Variants in PKHD1 observed in about 807,000 individuals in gnomAD.
The protein encoded by PKHD1 is fibrocystin.
In PKHD1, 291 loss-of-function variants were observed where a neutral mutation model predicts 412.0. The observed-to-expected ratio is 0.71, with a 90% CI of 0.64 to 0.78. The LOEUF is 0.78. Ranked by LOEUF, PKHD1 falls within the 30% of genes least tolerant of loss-of-function variation. PKHD1 has a pLI of 0.00. For missense variants in PKHD1, 4,825 were observed against 4,950.7 expected, an observed-to-expected ratio of 0.97 and a Z score of 0.76; for synonymous variants, 1,777 against 1,821.5, an observed-to-expected ratio of 0.98 and a Z score of 0.62.
At chr6:51,900,370 A>G (rs1781034046) in intron 43 of PKHD1, among the ~76,000 whole-genome samples, 1 of 152,200 alleles carries the variant, frequency 6.6e-6, no homozygotes, top group African/African-American at 2.4e-5. Flanking sequence ...AACGCTGCAT[A>G]TCTACAACTA....
chr6:51,777,499 T>C (rs571989830), intron 53 of PKHD1, among the ~76,000 whole-genome samples: 1 of 152,120 alleles, frequency 6.6e-6, no homozygotes, highest in African/African-American at 2.4e-5. Flanking sequence ...GAGAGCCTGA[T>C]GCATCATCTT....
chr6:52,037,204 T>C (rs1804094157), intron 27 of PKHD1, among the ~76,000 whole-genome samples: 1 of 152,096 alleles, frequency 6.6e-6, no homozygotes, highest in Non-Finnish European at 1.5e-5. Context: ...AATTTCTACC[T>C]TATATGCTTC....
At chr6:51,641,442 G>A (rs1211067248) in intron 63 of PKHD1, among the ~76,000 whole-genome samples, 1 of 152,206 alleles carries the variant, frequency 6.6e-6, no homozygotes, top group Non-Finnish European at 1.5e-5. Context: ...TACACTGTTG[G>A]TGGGAGTGTA....
At chr6:52,006,966 T>C (rs1799164020) in intron 35 of PKHD1, among the ~76,000 whole-genome samples, 1 of 152,236 alleles carries the variant, frequency 6.6e-6, no homozygotes, top group Non-Finnish European at 1.5e-5. Flanking sequence ...CCTGAGTTAC[T>C]TCACTTAGAA....
rs754102295 is a variant in PKHD1 at position 52,025,258 on chromosome 6, C to A, written c.4552G>T (p.Val1518Leu). The change falls in exon 32 of 67, where the codon GTA becomes TTA. Residue 1518 changes from valine (V) to leucine (L), a missense_variant. Transcript: ENST00000371117. Reference sequence around the variant, plus strand: ...CAAGGAAGTTGATCATCCACAAATACCATCGGCTCATCAGCTGTGGTGGCT... The same window carrying A: ...CAAGGAAGTTGATCATCCACAAATAACATCGGCTCATCAGCTGTGGTGGCT... Reference protein sequence around the residue: ...RLATTADEPMVFVDDQLPCNV... With the variant: ...RLATTADEPMLFVDDQLPCNV... 6.2e-7 allele frequency: 1 copy of A among 1,614,122 alleles called. No individual in the cohort carries two copies. Among genetic ancestry groups the A allele is most frequent in the Admixed American group, 1.7e-5 (1 of 60,024 alleles).
chr6:52,083,142 C>T (rs774666083), intron 3 of PKHD1, 36 bp downstream of exon 3: 10 of 1,321,934 alleles, frequency 7.6e-6, no homozygotes, highest in Non-Finnish European at 9.8e-6. Context: ...TGGGTCAATA[C>T]ATAAGAAATG....
rs186664105 is a variant in PKHD1, at chr6:52,044,974, G to T, written c.2707C>A (p.His903Asn). 6.2e-7 allele frequency: 1 copy of T among 1,613,548 alleles called. No individual in the cohort carries two copies. Among genetic ancestry groups the T allele is most frequent in the African/African-American group, 1.3e-5 (1 of 75,022 alleles). Reference sequence around the variant, plus strand: ...GGCCCATTCACTCTCACCTGAGTATGCTGGTTGGCAGTAGCCAACATGTCT... The same window carrying T: ...GGCCCATTCACTCTCACCTGAGTATTCTGGTTGGCAGTAGCCAACATGTCT... Reference protein sequence around the residue: ...FGDMLATANQHTQVVVRVNDV... With the variant: ...FGDMLATANQNTQVVVRVNDV... The change falls in exon 25 of 67, where the codon CAT (histidine) becomes AAT (asparagine). Residue 903 changes from histidine to asparagine, a missense_variant. Coordinates refer to ENST00000371117, the MANE Select transcript of PKHD1 (RefSeq NM_138694.4).
chr6:52,062,451 G>C, intron 14 of PKHD1, 68 bp downstream of exon 14: 1 of 1,484,918 alleles, frequency 6.7e-7, no homozygotes, highest in Non-Finnish European at 9.4e-7. Flanking sequence ...TTCCTTATCT[G>C]TCTCCTAGCC....
chr6:51,744,638 A>G (rs549611846), intron 59 of PKHD1, 96 bp from the exon 60 acceptor site: 2 of 939,398 alleles, frequency 2.1e-6, no homozygotes, highest in South Asian at 1.3e-5. Flanking sequence ...AAATAAATTC[A>G]ACAGATTTTT....
intron 21 of PKHD1, 133 bp downstream of exon 21, chr6:52,052,943 T>C (rs1807096151): frequency 5.2e-6 from 4 of 768,600 alleles, no homozygotes; most frequent in Non-Finnish European, 9.1e-6. Flanking sequence ...GCCCCATCTG[T>C]TTTCTAGAGC....
rs79433504 is a variant in PKHD1, at chr6:52,016,280, C to T, written c.5600+1130G>A. Among the ~76,000 whole-genome samples the T allele has an allele frequency of 2.6e-5, 4 of 152,240 alleles. No homozygotes were observed. The East Asian group carries it at 7.7e-4, about 29-fold the overall frequency. ...TCTCAGGACATCACAAAGTCAGATG[C>T]CATGAAAAGAGCTGGTTATCTCTTT... On this transcript the variant is annotated intron_variant, in intron 34 of 66. Transcript: ENST00000371117.
chr6:51,911,191 C>T (rs1047140006), intron 39 of PKHD1, among the ~76,000 whole-genome samples: 2 of 152,164 alleles, frequency 1.3e-5, no homozygotes, highest in Non-Finnish European at 2.9e-5. Context: ...GTCTTCACAA[C>T]ATGTGAAAGC....
intron 51 of PKHD1, among the ~76,000 whole-genome samples, chr6:51,833,724 G>A (rs1768678586): frequency 6.6e-6 from 1 of 152,132 alleles, no homozygotes; most frequent in Non-Finnish European, 1.5e-5. Context: ...TCCCAGTTGA[G>A]TGGTTGAGAC....
chr6:52,024,798 G>T lies in PKHD1; in HGVS notation c.5012C>A (p.Thr1671Asn), dbSNP rs1313759171. The T allele has an allele frequency of 6.2e-7, 1 of 1,614,066 alleles. No homozygotes were observed. Among genetic ancestry groups the T allele is most frequent in the Non-Finnish European group, 8.5e-7 (1 of 1,180,030 alleles). ...TCCTGAGATCTGGGCCACTGCAAAGGTTAAGATGTCATCGCTCTGAGAAAT... is the reference window on the plus strand; with the variant it reads ...TCCTGAGATCTGGGCCACTGCAAAGTTTAAGATGTCATCGCTCTGAGAAAT... The part of the protein sequence containing the change: ...ISISQSDDIL[T>N]FAVAQISGAA... Residue 1671 changes from threonine to asparagine, a missense_variant, in exon 32 of 67, where the codon ACC (threonine) becomes AAC (asparagine). By Grantham distance (65) the Thr-to-Asn change is moderately conservative. Coordinates refer to ENST00000371117, the MANE Select transcript of PKHD1 (RefSeq NM_138694.4).
At position 52,065,968 on chromosome 6, in the gene PKHD1, A is replaced by G. The variant is rs1809628521; in HGVS notation, c.880+8T>C. On this transcript the variant is annotated splice_region_variant and intron_variant, in intron 12 of 66. Coordinates refer to ENST00000371117, the MANE Select transcript of PKHD1 (RefSeq NM_138694.4). ...ATGAACTATTTTCAGCCATTTCATC[A>G]TAGTTACCTGCAATGGTAACCTGGG... 5 of 1,318,274 alleles carry G rather than the reference A, an allele frequency of 3.8e-6. No homozygotes were observed. The highest frequency in any genetic ancestry group is 2.3e-5 in the South Asian group (2 of 85,130). The allele number at this position is 1,318,274 out of a possible 1,614,324, so 81.7% of individuals were successfully genotyped here.
rs146134912 is a variant in PKHD1 at position 51,918,959 on chromosome 6, C to T, written c.6122-6383G>A. On this transcript the variant is annotated intron_variant, in intron 37 of 66. Transcript: ENST00000371117. ...TTGAGAAGTGTCTATTCATATCCTT[C>T]GCCCACTTTTTGATGGGGTTGTTTT... Among the ~76,000 whole-genome samples, 133 of 152,260 alleles carry T rather than the reference C, an allele frequency of 8.7e-4. 2 individuals carry two copies. In the East Asian group the frequency reaches 0.019, roughly 21 times the overall value.
At position 51,904,183 on chromosome 6, in the gene PKHD1, A is replaced by C. The variant is rs946443691; in HGVS notation, c.6809-141T>G. ...ATCTGTAAATCAGGGAAAGAGATAC[A>C]GATCTTATGTACTCTTCAGTTCTAG... On this transcript the variant is annotated intron_variant, in intron 41 of 66. Transcript: ENST00000371117. 1.1e-4 allele frequency: 72 copies of C among 680,768 alleles called. No homozygotes were observed. In the Middle Eastern group the frequency reaches 1.5e-3, roughly 14 times the overall value. The allele number at this position is 680,768 out of a possible 1,614,324, so 42.2% of individuals were successfully genotyped here. A position where few individuals can be genotyped will look rare whatever the true frequency, so the allele number is the denominator to read the frequency against.
Position 52,043,674 on chromosome 6 carries a change from C to T in PKHD1, c.2772G>A (p.Gln924=), listed in dbSNP as rs1424551922. 1 of 1,613,518 alleles carries T rather than the reference C, an allele frequency of 6.2e-7. No individual in the cohort carries two copies. The highest frequency in any genetic ancestry group is 8.5e-7 in the Non-Finnish European group (1 of 1,179,568). The change falls in exon 26 of 67, where the codon CAG becomes CAA. Residue 924 remains glutamine, a synonymous_variant. Transcript: ENST00000371117. The stretch of plus-strand genomic sequence containing the variant: ...CACAGGGAGTTGACCCTTGGAGGTA[C>T]TGGAAAGAGCAGGAACCTGGGCAAT... ...PAHCPGSCSF[Q]YLQGSTPCVH...
At chr6:51,708,072 G>A (rs987475755) in intron 60 of PKHD1, among the ~76,000 whole-genome samples, 6 of 152,102 alleles carry the variant, frequency 3.9e-5, no homozygotes, top group African/African-American at 1.2e-4. Flanking sequence ...ATTCCTTAAA[G>A]GGCATCACCA....
Sources: gnomAD v4.1 joint callset for allele counts (sites outside exome capture counted in the v4.1 genomes callset) on GRCh38, gnomAD v4.1.1 for gene constraint, MANE v1.5 for transcripts, NCBI Gene and HGNC (gene_info 2026-07-23, HGNC 2026-07-21) for gene names.